The following CSMD1 variants were observed in gnomAD, a reference collection of about 807,000 sequenced individuals.
CSMD1 encodes CUB and Sushi multiple domains 1, also known as CUB and sushi domain-containing protein 1.
A neutral mutation model predicts 417.5 loss-of-function variants in CSMD1; 213 were observed. The ratio of observed to expected loss-of-function variants is 0.51; its 90% CI spans 0.46 to 0.57. The LOEUF (loss-of-function observed/expected upper bound fraction) is 0.57. Ranked by LOEUF, CSMD1 falls within the 20% of genes least tolerant of loss-of-function variation. CSMD1 has a pLI of 0.00. For synonymous variants in CSMD1, 2,862 were observed against 1,736.8 expected, an observed-to-expected ratio of 1.65 and a Z score of -16.11; for missense variants, 6,923 against 4,529.7, an observed-to-expected ratio of 1.53 and a Z score of -15.17.
At position 4,354,122 on chromosome 8, in the gene CSMD1, G is replaced by A. The variant is rs375103406; in HGVS notation, c.415+65831C>T. Reference sequence around the variant, plus strand: ...TTCTCGTTAACTTGCCCAAGAACGCGCCTGAAAGTAAATTTTAAAAATTTA... The same window carrying A: ...TTCTCGTTAACTTGCCCAAGAACGCACCTGAAAGTAAATTTTAAAAATTTA... On this transcript the variant is annotated intron_variant, in intron 3 of 69. Coordinates refer to ENST00000635120, the MANE Select transcript of CSMD1 (RefSeq NM_033225.6). Among the ~76,000 whole-genome samples, 25 of 152,082 alleles carry A rather than the reference G, an allele frequency of 1.6e-4. 1 individual carries two copies. In the South Asian group the frequency reaches 2.5e-3, roughly 15 times the overall value.
At chr8:3,425,757 C>G (rs989634595) in intron 12 of CSMD1, among the ~76,000 whole-genome samples, 4 of 152,038 alleles carry the variant, frequency 2.6e-5, no homozygotes, top group African/African-American at 9.7e-5. Flanking sequence ...CTTTTTCTCT[C>G]TTTTTATTCA....
At chr8:3,816,361 C>G (rs1016348711) in intron 5 of CSMD1, among the ~76,000 whole-genome samples, 4 of 152,194 alleles carry the variant, frequency 2.6e-5, no homozygotes, top group African/African-American at 9.7e-5. Flanking sequence ...TAAGTGAGCA[C>G]AGCAGGAAAA....
rs937347794 is a variant in CSMD1 at position 4,143,603 on chromosome 8, G to A, written c.416-111504C>T. On this transcript the variant is annotated intron_variant, in intron 3 of 69. Transcript: ENST00000635120. ...GTCAACCCCTTTAACTAGTTGTGAT[G>A]CCCATGGCACTCTGAGGGTACACCT... 2.0e-5 allele frequency among the ~76,000 whole-genome samples: 3 copies of A among 151,012 alleles called. 1 individual carries two copies. The highest frequency in any genetic ancestry group is 7.4e-5 in the African/African-American group (3 of 40,366).
intron 3 of CSMD1, among the ~76,000 whole-genome samples, chr8:4,394,824 T>G (rs1441903195): frequency 6.6e-6 from 1 of 152,150 alleles, no homozygotes; most frequent in Non-Finnish European, 1.5e-5. Context: ...AATTTCTGGA[T>G]TTTTTCATGG....
At chr8:4,052,688 T>A (rs139406880) in intron 3 of CSMD1, among the ~76,000 whole-genome samples, 16 of 152,174 alleles carry the variant, frequency 1.1e-4, no homozygotes, top group African/African-American at 3.6e-4. Flanking sequence ...ATAAGTAAGG[T>A]GTATATATTT....
intron 11 of CSMD1, among the ~76,000 whole-genome samples, chr8:3,476,719 A>T (rs1214568082): frequency 6.6e-6 from 1 of 151,896 alleles, no homozygotes; most frequent in Non-Finnish European, 1.5e-5. Flanking sequence ...GGAGTTCGAG[A>T]CCAGCCTGGC....
chr8:4,246,484 A>G (rs1055362690), intron 3 of CSMD1, among the ~76,000 whole-genome samples: 4 of 152,166 alleles, frequency 2.6e-5, no homozygotes, highest in African/African-American at 7.2e-5. Flanking sequence ...TGTTACAGAG[A>G]TAAGAGTTTT....
intron 48 of CSMD1, among the ~76,000 whole-genome samples, chr8:3,090,393 A>T (rs1245376463): frequency 1.3e-5 from 2 of 150,902 alleles, no homozygotes; most frequent in Non-Finnish European, 2.9e-5. Flanking sequence ...TGCAAATCCC[A>T]TCATTGCATC....
In CSMD1 at chr8:4,180,413, T is replaced by G. The variant is rs1232152591; in HGVS notation, c.416-148314A>C. Among the ~76,000 whole-genome samples the G allele has an allele frequency of 9.7e-5, 12 of 123,936 alleles. No individual in the cohort carries two copies. In the Admixed American group the frequency reaches 1.2e-3, roughly 13 times the overall value. The allele number at this position is 123,936 out of a possible 152,430, so 81.3% of individuals were successfully genotyped here. ...GGACACAGGAAGGGGAACATCACAC[T>G]CTGGGGACTGCTGTGGGGTGGGGGG... On this transcript the variant is annotated intron_variant, in intron 3 of 69. Coordinates refer to ENST00000635120, the MANE Select transcript of CSMD1 (RefSeq NM_033225.6).
chr8:4,970,141 G>A (rs1417088155), intron 1 of CSMD1, among the ~76,000 whole-genome samples: 3 of 151,970 alleles, frequency 2.0e-5, no homozygotes, highest in East Asian at 1.9e-4. Flanking sequence ...CATTTAGAAG[G>A]CATATCCTAC....
chr8:4,622,641 T>A (rs1211162237), intron 2 of CSMD1, among the ~76,000 whole-genome samples: 1 of 152,146 alleles, frequency 6.6e-6, no homozygotes, highest in Non-Finnish European at 1.5e-5. Flanking sequence ...GGTTTGGAAA[T>A]GAAGGGCAAT....
chr8:3,030,183 A>G (rs1043165911), intron 50 of CSMD1, among the ~76,000 whole-genome samples: 4 of 152,112 alleles, frequency 2.6e-5, no homozygotes, highest in Admixed American at 2.0e-4. Flanking sequence ...CAGTAGTAGT[A>G]TACTATTACC....
chr8:4,315,705 T>A (rs978696992), intron 3 of CSMD1, among the ~76,000 whole-genome samples: 18 of 152,194 alleles, frequency 1.2e-4, no homozygotes, highest in African/African-American at 4.3e-4. Context: ...TGAAGTCATA[T>A]TTGTAGGTAT....
chr8:3,542,295 G>C (rs1300008845), intron 10 of CSMD1, among the ~76,000 whole-genome samples: 15 of 152,030 alleles, frequency 9.9e-5, no homozygotes, highest in Non-Finnish European at 2.9e-5. Flanking sequence ...CATTCATTCA[G>C]ATGGTTCATT....
chr8:3,321,184 G>A (rs1207866310), intron 23 of CSMD1, among the ~76,000 whole-genome samples: 1 of 152,042 alleles, frequency 6.6e-6, no homozygotes, highest in African/African-American at 2.4e-5. Flanking sequence ...AGCTTCCAGT[G>A]CTTAGTCTAA....
At chr8:3,282,959 G>A (rs1472516035) in intron 26 of CSMD1, among the ~76,000 whole-genome samples, 2 of 152,058 alleles carry the variant, frequency 1.3e-5, no homozygotes, top group Admixed American at 6.6e-5. Context: ...CCAATAATAT[G>A]GCATCTCTCC....
chr8:4,116,735 G>C (rs1182261902), intron 3 of CSMD1, among the ~76,000 whole-genome samples: 2 of 151,986 alleles, frequency 1.3e-5, no homozygotes, highest in Non-Finnish European at 2.9e-5. Context: ...TGCTAAAAGG[G>C]GCGGCTACGT....
chr8:3,020,811 T>A (rs559569779), intron 51 of CSMD1, among the ~76,000 whole-genome samples: 1 of 152,186 alleles, frequency 6.6e-6, no homozygotes, highest in Non-Finnish European at 1.5e-5. Context: ...CTATTGTTAT[T>A]GAGACAGCCT....
At chr8:3,542,594 G>C (rs886387117) in intron 10 of CSMD1, among the ~76,000 whole-genome samples, 4 of 152,148 alleles carry the variant, frequency 2.6e-5, no homozygotes, top group African/African-American at 9.7e-5. Context: ...GCTGTGAGCA[G>C]GCCTGGCCTC....
Sources: gnomAD v4.1 joint callset for allele counts (sites outside exome capture counted in the v4.1 genomes callset) on GRCh38, gnomAD v4.1.1 for gene constraint, MANE v1.5 for transcripts, NCBI Gene and HGNC (gene_info 2026-07-23, HGNC 2026-07-21) for gene names.